Variants in ACADL observed in about 807,000 individuals in gnomAD.
ACADL encodes the protein acyl-CoA dehydrogenase long chain.
In ACADL, 60 loss-of-function variants were observed where a neutral mutation model predicts 56.9. The observed-to-expected ratio is 1.05, with a 90% CI of 0.86 to 1.31. The LOEUF (loss-of-function observed/expected upper bound fraction) is 1.31, where lower values mean the gene tolerates loss of function less well. ACADL is among the 50% of genes most tolerant of loss of function. ACADL has a pLI of 0.00. For synonymous variants in ACADL, 158 were observed against 179.7 expected (o/e 0.88, Z 0.97); for missense variants, 484 against 525.5 (o/e 0.92, Z 0.77).
chr2:210,211,824 C>G (rs1477018139), intron 4 of ACADL, among the ~76,000 whole-genome samples: 1 of 112,104 alleles, frequency 8.9e-6, no homozygotes, highest in East Asian at 2.9e-4. Flanking sequence ...TTTTATGCCC[C>G]TCAGCATTTT....
rs772279876 is a variant in ACADL, at chr2:210,210,281, A to T, written c.537-19T>A. ...TAAGTCACTGTAATTGAAAGAAAAG[A>T]TAAAAAATTCATCAAATGATAAAAA... On this transcript the variant is annotated intron_variant, in intron 4 of 10. Transcript: ENST00000233710. The T allele has an allele frequency of 1.9e-6, 3 of 1,560,314 alleles. No homozygotes were observed.
Position 210,225,265 on chromosome 2 carries a change from T to C in ACADL, c.-2A>G. The C allele has an allele frequency of 6.4e-7, 1 of 1,555,804 alleles. No homozygotes were observed. ...CCCTCGGAGAAGGCGTGCGGCCATG[T>C]CCGAAACACAGGGGCGGCGGGGCGA... is the stretch of plus-strand genomic sequence containing the variant. On this transcript the variant is annotated 5_prime_UTR_variant, in exon 1 of 11. Transcript: ENST00000233710.
intron 4 of ACADL, 56 bp from the exon 5 acceptor site, chr2:210,210,318 A>G: frequency 7.8e-7 from 1 of 1,282,392 alleles, no homozygotes. Flanking sequence ...TAAATTATAC[A>G]AATGATATAA....
rs775016696 is a variant in ACADL at position 210,189,058 on chromosome 2, G to C, written c.1200-4C>G. The stretch of plus-strand genomic sequence containing the variant: ...AACTCTGGCATCCACATAAGCTCTG[G>C]ATAAATCAGATGATTGAATGAATAA... On this transcript the variant is annotated splice_polypyrimidine_tract_variant and splice_region_variant and intron_variant, in intron 10 of 10. Transcript: ENST00000233710. The C allele has an allele frequency of 6.3e-7, 1 of 1,589,086 alleles. No individual in the cohort carries two copies. Among genetic ancestry groups the C allele is most frequent in the East Asian group, 2.2e-5 (1 of 44,610 alleles).
At chr2:210,205,976 CA>C (rs1199360548) in intron 5 of ACADL, among the ~76,000 whole-genome samples, 180 bp from the exon 6 acceptor site, 5 of 152,084 alleles carry the variant, frequency 3.3e-5, no homozygotes, top group Non-Finnish European at 5.9e-5. Flanking sequence ...TATCAAGGAT[CA>C]GGGGAAAAAT....
chr2:210,210,005 G>T lies in ACADL; in HGVS notation c.603+191C>A, dbSNP rs1688951651. On this transcript the variant is annotated intron_variant, in intron 5 of 10. Coordinates refer to ENST00000233710, the MANE Select transcript of ACADL (RefSeq NM_001608.4). ...ATATTAGTGAGGGGGCATGCAAAATGAAATATAGAAGAAGCTACCACAGAT... is the reference window on the plus strand; with the variant it reads ...ATATTAGTGAGGGGGCATGCAAAATTAAATATAGAAGAAGCTACCACAGAT... 17 of 538,938 alleles carry T rather than the reference G, an allele frequency of 3.2e-5. 1 individual carries two copies. The highest frequency in any genetic ancestry group is 4.7e-4 in the Middle Eastern group (1 of 2,136). 33.4% of individuals were successfully genotyped at this position (538,938 alleles called of 1,614,324 possible).
At chr2:210,210,319 AATGAT>A (rs1476241438) in intron 4 of ACADL, 57 bp from the exon 5 acceptor site, 124 of 1,281,496 alleles carry the variant, frequency 9.7e-5, no homozygotes, top group Middle Eastern at 2.1e-4. Flanking sequence ...AAATTATACA[AATGAT>A]ATAAGTATGT....
chr2:210,220,035 A>AT lies in ACADL; in HGVS notation c.233+611dup, dbSNP rs568769629. 5.0e-3 allele frequency among the ~76,000 whole-genome samples: 767 copies of AT among 152,246 alleles called. 3 individuals are homozygous for AT. Among genetic ancestry groups the AT allele is most frequent in the Non-Finnish European group, 8.3e-3 (562 of 68,004 alleles). ...TCTTCTAATTTCTGCTTCTAACATA[A>AT]TAACGGTGCCGAGAATTTTTTTGTT... is the stretch of plus-strand genomic sequence containing the variant. On this transcript the variant is annotated intron_variant, in intron 2 of 10. Transcript: ENST00000233710.
intron 4 of ACADL, among the ~76,000 whole-genome samples, chr2:210,211,643 C>T (rs1238928273): frequency 6.6e-6 from 1 of 152,148 alleles, no homozygotes; most frequent in Non-Finnish European, 1.5e-5. Context: ...TGACTGCTTC[C>T]CCTCTGCCTT....
chr2:210,206,736 G>C (rs1421169575), intron 5 of ACADL, among the ~76,000 whole-genome samples: 2 of 152,046 alleles, frequency 1.3e-5, no homozygotes, highest in Non-Finnish European at 2.9e-5. Context: ...CATTTTCACG[G>C]CTTGAGTCAC....
intron 1 of ACADL, among the ~76,000 whole-genome samples, chr2:210,222,381 G>A (rs555736123): frequency 6.0e-4 from 91 of 152,138 alleles, no homozygotes; most frequent in African/African-American, 2.1e-3. Context: ...AGTAGGCGGG[G>A]CTTGGTGGCT....
intron 9 of ACADL, 78 bp from the exon 10 acceptor site, chr2:210,192,968 A>G: frequency 2.9e-6 from 3 of 1,046,700 alleles, no homozygotes; most frequent in South Asian, 2.6e-5. Flanking sequence ...CAGAAAACTA[A>G]TTATTTACAA....
chr2:210,199,978 C>T (rs796421444), intron 8 of ACADL, among the ~76,000 whole-genome samples: 17 of 152,258 alleles, frequency 1.1e-4, no homozygotes, highest in African/African-American at 4.1e-4. Flanking sequence ...GTCCTGGGCT[C>T]AAGCAATCTG....
chr2:210,200,630 T>G (rs536744604), intron 8 of ACADL, among the ~76,000 whole-genome samples: 1 of 152,336 alleles, frequency 6.6e-6, no homozygotes, highest in Non-Finnish European at 1.5e-5. Flanking sequence ...CTTGATTGAG[T>G]GTACCTCATT....
intron 5 of ACADL, among the ~76,000 whole-genome samples, chr2:210,206,422 C>T (rs929090879): frequency 5.3e-5 from 8 of 151,626 alleles, no homozygotes; most frequent in Non-Finnish European, 7.4e-5. Flanking sequence ...CAGAGTGAGA[C>T]CCTGTCTCTA....
chr2:210,210,144 A>C, intron 5 of ACADL, 52 bp downstream of exon 5: 28 of 1,301,122 alleles, frequency 2.2e-5, no homozygotes, highest in Non-Finnish European at 3.0e-5. Context: ...AGACATTGTT[A>C]CCCATGGCAT....
At chr2:210,193,709 G>T (rs1688670297) in intron 9 of ACADL, among the ~76,000 whole-genome samples, 1 of 151,432 alleles carries the variant, frequency 6.6e-6, no homozygotes, top group Admixed American at 6.6e-5. Flanking sequence ...ACCCACTCTA[G>T]GGCCTAGGTT....
At chr2:210,206,392 C>T (rs1559637299) in intron 5 of ACADL, among the ~76,000 whole-genome samples, 1 of 152,038 alleles carries the variant, frequency 6.6e-6, no homozygotes, top group Non-Finnish European at 1.5e-5. Flanking sequence ...GATTGTACCA[C>T]TGCACCCCAA....
chr2:210,217,728 A>G, intron 3 of ACADL: 1 of 496,206 alleles, frequency 2.0e-6, no homozygotes. Context: ...AAAAAAAACT[A>G]TCTCTTTAAT....
Sources: gnomAD v4.1 joint callset for allele counts (sites outside exome capture counted in the v4.1 genomes callset) on GRCh38, gnomAD v4.1.1 for gene constraint, MANE v1.5 for transcripts, NCBI Gene and HGNC (gene_info 2026-07-23, HGNC 2026-07-21) for gene names.